The following RBPJ variants were observed in gnomAD, a reference collection of about 807,000 sequenced individuals.
RBPJ encodes the protein recombination signal binding protein for immunoglobulin kappa J region, also known as recombining binding protein suppressor of hairless.
RBPJ carries 9 observed loss-of-function variants against 67.8 expected under a neutral mutation model. The observed-to-expected ratio is 0.13, with a 90% confidence interval of 0.08 to 0.23. The LOEUF (loss-of-function observed/expected upper bound fraction) is 0.23, where lower values mean the gene tolerates loss of function less well. Among genes scored for constraint, RBPJ ranks in the 10% least tolerant of loss-of-function variants. The probability of loss-of-function intolerance (pLI) is 1.00; values close to 1 mark genes in which losing one functional copy is unlikely to be tolerated. For synonymous variants in RBPJ, 198 were observed against 203.3 expected (o/e 0.97, Z 0.22); for missense variants, 305 against 595.6 (o/e 0.51, Z 5.08).
intron 2 of RBPJ, among the ~76,000 whole-genome samples, chr4:26,391,416 CA>C (rs1351455181): frequency 6.6e-6 from 1 of 152,008 alleles, no homozygotes; most frequent in African/African-American, 2.4e-5. Context: ...GTCTTTCTAA[CA>C]GTTGATTGTA....
intron 1 of RBPJ, among the ~76,000 whole-genome samples, chr4:26,281,337 G>T (rs1207911342): frequency 6.6e-6 from 1 of 152,028 alleles, no homozygotes; most frequent in Non-Finnish European, 1.5e-5. Context: ...GGAGTGCAAT[G>T]GCGTAAACTC....
chr4:26,402,686 T>C (rs903676461), intron 2 of RBPJ, among the ~76,000 whole-genome samples: 3 of 152,206 alleles, frequency 2.0e-5, no homozygotes, highest in African/African-American at 7.2e-5. Context: ...TCTTATCAGT[T>C]CTCAGTTTCC....
At chr4:26,207,581 G>A (rs751581349) in intron 1 of RBPJ, among the ~76,000 whole-genome samples, 19 of 152,296 alleles carry the variant, frequency 1.2e-4, no homozygotes, top group African/African-American at 4.6e-4. Flanking sequence ...ATTTGTTCTG[G>A]ACACAGACGT....
chr4:26,353,330 G>T (rs557632943), intron 1 of RBPJ, among the ~76,000 whole-genome samples: 126 of 152,248 alleles, frequency 8.3e-4, no homozygotes, highest in Non-Finnish European at 1.5e-3. Flanking sequence ...TTTTTGTTTT[G>T]ATTTGATTTG....
intron 1 of RBPJ, among the ~76,000 whole-genome samples, chr4:26,212,748 C>G (rs1469754499): frequency 3.3e-5 from 5 of 152,092 alleles, no homozygotes; most frequent in Non-Finnish European, 7.4e-5. Context: ...AGAATCTAAA[C>G]AGACAGGCTT....
intron 4 of RBPJ, 50 bp downstream of exon 4, chr4:26,415,690 T>A: frequency 6.7e-7 from 1 of 1,498,918 alleles, no homozygotes; most frequent in South Asian, 1.3e-5. Context: ...GGTACCAGAA[T>A]GTAGTTTTCA....
At chr4:26,117,281 T>C in the RBPJ span, among the ~76,000 whole-genome samples, 3 of 151,650 alleles carry the variant, frequency 2.0e-5, no homozygotes, top group Non-Finnish European at 2.9e-5. Context: ...CAAAACAGAG[T>C]ACACAAATTC....
intron 1 of RBPJ, among the ~76,000 whole-genome samples, chr4:26,371,546 C>T (rs1365609665): frequency 6.6e-6 from 1 of 151,640 alleles, no homozygotes; most frequent in Non-Finnish European, 1.5e-5. Flanking sequence ...TTTTTCTCAG[C>T]ACAAATACAG....
At chr4:26,296,195 C>A (rs1477996397) in intron 1 of RBPJ, among the ~76,000 whole-genome samples, 1 of 152,182 alleles carries the variant, frequency 6.6e-6, no homozygotes, top group South Asian at 2.1e-4. Context: ...TTCTGTAGAA[C>A]AGAAAAGTTC....
the RBPJ span, chr4:26,112,252 C>G: frequency 6.6e-6 from 1 of 152,636 alleles, no homozygotes; most frequent in African/African-American, 2.4e-5. Context: ...AACCCTGTTT[C>G]TTCAAGAACA....
intron 1 of RBPJ, among the ~76,000 whole-genome samples, chr4:26,257,848 T>C (rs1720392674): frequency 6.6e-6 from 1 of 152,230 alleles, no homozygotes; most frequent in African/African-American, 2.4e-5. Flanking sequence ...AAAATGGTCC[T>C]GGGGCCATCT....
At chr4:26,300,558 C>A (rs574947456) in intron 1 of RBPJ, among the ~76,000 whole-genome samples, 8 of 152,344 alleles carry the variant, frequency 5.3e-5, no homozygotes, top group Admixed American at 2.0e-4. Flanking sequence ...ATTTACTATT[C>A]AGAGGGCGGC....
chr4:26,283,116 A>G (rs940789133), intron 1 of RBPJ, among the ~76,000 whole-genome samples: 8 of 148,304 alleles, frequency 5.4e-5, no homozygotes, highest in African/African-American at 2.0e-4. Flanking sequence ...TTTTTAGTAG[A>G]GACAGGGTTT....
chr4:26,159,008 A>C (rs1716030400), upstream of RBPJ, among the ~76,000 whole-genome samples: 1 of 147,406 alleles, frequency 6.8e-6, no homozygotes, highest in Admixed American at 6.8e-5. Context: ...CAGAATGCAG[A>C]TACTATGAGG....
intron 3 of RBPJ, chr4:26,410,217 CG>C: frequency 3.7e-6 from 1 of 267,686 alleles, no homozygotes; most frequent in African/African-American, 2.3e-5. Flanking sequence ...GTTGCAAAGG[CG>C]TAAGGCGTGA....
intron 1 of RBPJ, among the ~76,000 whole-genome samples, chr4:26,313,838 A>C (rs534655654): frequency 1.7e-4 from 26 of 152,252 alleles, no homozygotes; most frequent in Admixed American, 9.2e-4. Context: ...CTTTGTCCCC[A>C]AAAAAATAAA....
intron 1 of RBPJ, among the ~76,000 whole-genome samples, chr4:26,303,091 G>GA (rs779289899): frequency 4.6e-5 from 7 of 151,712 alleles, no homozygotes; most frequent in Non-Finnish European, 1.0e-4. Context: ...TGAGGAAATA[G>GA]AAACGCTTGA....
At chr4:26,370,374 T>C (rs928118100) in intron 1 of RBPJ, among the ~76,000 whole-genome samples, 1 of 152,250 alleles carries the variant, frequency 6.6e-6, no homozygotes, top group African/African-American at 2.4e-5. Context: ...TGTTAACTAA[T>C]AACATTATGT....
At chr4:26,172,600 T>A (rs528663327) in intron 1 of RBPJ, among the ~76,000 whole-genome samples, 1 of 152,190 alleles carries the variant, frequency 6.6e-6, no homozygotes, top group Non-Finnish European at 1.5e-5. Context: ...TAATTTTAAC[T>A]TACCACTAGA....
Sources: allele counts gnomAD v4.1 joint callset (sites outside exome capture counted in the v4.1 genomes callset), GRCh38; gene constraint gnomAD v4.1.1; transcripts MANE v1.5; gene names NCBI Gene and HGNC (gene_info 2026-07-23, HGNC 2026-07-21).